Variants in ARHGAP18 observed in about 807,000 individuals in gnomAD.
The protein encoded by ARHGAP18 is Rho GTPase activating protein 18.
In ARHGAP18, 67 loss-of-function variants were observed where a neutral mutation model predicts 86.2. The observed-to-expected ratio is 0.78, with a 90% CI of 0.64 to 0.95. ARHGAP18 has a LOEUF of 0.95. Ranked by LOEUF, ARHGAP18 falls within the 40% of genes least tolerant of loss-of-function variation. ARHGAP18 has a pLI of 0.00. For missense variants in ARHGAP18, 691 were observed against 780.4 expected, an observed-to-expected ratio of 0.89 and a Z score of 1.37; for synonymous variants, 283 against 280.4, an observed-to-expected ratio of 1.01 and a Z score of -0.09.
At chr6:129,592,500 A>G (rs1020158905) in intron 12 of ARHGAP18, among the ~76,000 whole-genome samples, 1 of 152,212 alleles carries the variant, frequency 6.6e-6, no homozygotes, top group African/African-American at 2.4e-5. Flanking sequence ...TAAGCTCTCT[A>G]AAGCTTGAGT....
In ARHGAP18 at chr6:129,634,038, A is replaced by G; in HGVS notation, c.616+4T>C. On this transcript the variant is annotated splice_donor_region_variant and intron_variant, in intron 4 of 14. Coordinates refer to ENST00000368149, the MANE Select transcript of ARHGAP18 (RefSeq NM_033515.3). ...AAAAAAACAAGAGAACAGGTTCAACATACCATCTCTTCCTTGGTATTTGTT... is the reference window on the plus strand; with the variant it reads ...AAAAAAACAAGAGAACAGGTTCAACGTACCATCTCTTCCTTGGTATTTGTT... 1 of 1,609,912 alleles carries G rather than the reference A, an allele frequency of 6.2e-7. No individual in the cohort carries two copies.
chr6:129,687,735 C>T (rs75390180), intron 1 of ARHGAP18, among the ~76,000 whole-genome samples: 15,528 of 152,140 alleles, frequency 0.1, 829 homozygotes, highest in Admixed American at 0.14. Flanking sequence ...GTTCATGACA[C>T]GACAGAGGAG....
In ARHGAP18 at chr6:129,641,966, T is replaced by C; in HGVS notation, c.166A>G (p.Met56Val). Reference protein sequence around the residue: ...MNQESTTIKVMEKPPFDRSIS... With the variant: ...MNQESTTIKVVEKPPFDRSIS... ...GATCGATCAAATGGAGGCTTCTCCA[T>C]AACTTTGATGGTGGTGCTTTCCTGG... Residue 56 changes from methionine to valine, a missense_variant, in exon 2 of 15, where the codon ATG becomes GTG. Transcript: ENST00000368149. 1 of 1,614,008 alleles carries C rather than the reference T, an allele frequency of 6.2e-7. No homozygotes were observed. Among genetic ancestry groups the C allele is most frequent in the South Asian group, 1.1e-5 (1 of 91,082 alleles).
chr6:129,644,261 C>A (rs1282763193), intron 1 of ARHGAP18, among the ~76,000 whole-genome samples: 1 of 152,170 alleles, frequency 6.6e-6, no homozygotes, highest in Non-Finnish European at 1.5e-5. Flanking sequence ...CTCTGTATTC[C>A]ACCTGGGTCC....
At position 129,620,938 on chromosome 6, in the gene ARHGAP18, G is replaced by A. The variant is rs568471712; in HGVS notation, c.787-2086C>T. Reference sequence around the variant, plus strand: ...CTACTGCAACAGACTGAATGCAAACGTAAATATGATAATCCAGCTGACTTC... The same window carrying A: ...CTACTGCAACAGACTGAATGCAAACATAAATATGATAATCCAGCTGACTTC... On this transcript the variant is annotated intron_variant, in intron 5 of 14. Coordinates refer to ENST00000368149, the MANE Select transcript of ARHGAP18 (RefSeq NM_033515.3). 2.6e-5 allele frequency among the ~76,000 whole-genome samples: 4 copies of A among 152,232 alleles called. No individual in the cohort carries two copies. In the East Asian group the frequency reaches 5.8e-4, roughly 22 times the overall value.
chr6:129,625,186 T>G (rs192511102), intron 5 of ARHGAP18, among the ~76,000 whole-genome samples: 1,627 of 44,564 alleles, frequency 0.037, 367 homozygotes, highest in African/African-American at 0.16. Context: ...TATTATATAT[T>G]ATATATGATA....
At chr6:129,687,726 T>G (rs913369983) in intron 1 of ARHGAP18, among the ~76,000 whole-genome samples, 1 of 152,234 alleles carries the variant, frequency 6.6e-6, no homozygotes, top group Non-Finnish European at 1.5e-5. Flanking sequence ...GAAAACTATG[T>G]TCATGACACG....
At chr6:129,629,231 C>G in intron 5 of ARHGAP18, 122 bp downstream of exon 5, 5 of 845,082 alleles carry the variant, frequency 5.9e-6, no homozygotes, top group Non-Finnish European at 8.1e-6. Flanking sequence ...CTCTGTCTGT[C>G]TGTCTCTCTC....
chr6:129,635,697 A>G (rs1773317413), intron 3 of ARHGAP18, among the ~76,000 whole-genome samples: 1 of 152,254 alleles, frequency 6.6e-6, no homozygotes, highest in African/African-American at 2.4e-5. Flanking sequence ...CACTCACTCA[A>G]AAGTAGAAGA....
intron 1 of ARHGAP18, 72 bp from the exon 2 acceptor site, chr6:129,642,090 CAACAAGCTGGAGAA>C: frequency 2.2e-6 from 3 of 1,368,718 alleles, no homozygotes; most frequent in Non-Finnish European, 3.1e-6. Context: ...GACATCACAG[CAACAAGCTGGAGAA>C]TTTATTAACT....
At chr6:129,626,061 CATAT>C (rs1251179577) in intron 5 of ARHGAP18, among the ~76,000 whole-genome samples, 1 of 67,632 alleles carries the variant, frequency 1.5e-5, no homozygotes, top group African/African-American at 6.2e-5. Flanking sequence ...TATATATACA[CATAT>C]ACACACACAC....
intron 1 of ARHGAP18, among the ~76,000 whole-genome samples, chr6:129,671,640 G>C (rs1042045977): frequency 2.0e-5 from 3 of 152,158 alleles, no homozygotes; most frequent in Non-Finnish European, 4.4e-5. Context: ...CCAGGAGCTA[G>C]AGGCTACAGT....
intron 1 of ARHGAP18, among the ~76,000 whole-genome samples, chr6:129,645,483 GT>G (rs1773559642): frequency 6.6e-6 from 1 of 152,152 alleles, no homozygotes; most frequent in Admixed American, 6.5e-5. Context: ...GAAACACACA[GT>G]TTATACCACA....
intron 8 of ARHGAP18, among the ~76,000 whole-genome samples, chr6:129,609,415 A>G (rs1021796616): frequency 1.3e-5 from 2 of 152,188 alleles, no homozygotes; most frequent in Admixed American, 1.3e-4. Context: ...TTCTCGTTGC[A>G]AAGTAAAATC....
At chr6:129,688,672 A>G (rs768091151) in intron 1 of ARHGAP18, among the ~76,000 whole-genome samples, 18 of 152,168 alleles carry the variant, frequency 1.2e-4, no homozygotes, top group South Asian at 6.2e-4. Flanking sequence ...CATGCCTGTA[A>G]TCCCAGCTAC....
chr6:129,639,949 G>A (rs1773412819), intron 2 of ARHGAP18, among the ~76,000 whole-genome samples: 1 of 148,510 alleles, frequency 6.7e-6, no homozygotes, highest in African/African-American at 2.5e-5. Context: ...GGAGGCTGAG[G>A]CAAGAGAATC....
intron 1 of ARHGAP18, among the ~76,000 whole-genome samples, chr6:129,691,450 T>C (rs1391301171): frequency 2.0e-5 from 3 of 152,226 alleles, no homozygotes; most frequent in Non-Finnish European, 4.4e-5. Context: ...AGCAGTTTTT[T>C]CCTAATAAAA....
At chr6:129,598,474 T>C (rs1196016155) in intron 12 of ARHGAP18, among the ~76,000 whole-genome samples, 1 of 152,172 alleles carries the variant, frequency 6.6e-6, no homozygotes, top group Non-Finnish European at 1.5e-5. Context: ...GTGGTGGTAG[T>C]AGGGAGGAGG....
chr6:129,644,606 C>G (rs1409646137), intron 1 of ARHGAP18, among the ~76,000 whole-genome samples: 1 of 152,196 alleles, frequency 6.6e-6, no homozygotes, highest in Non-Finnish European at 1.5e-5. Context: ...TCTTACCCCC[C>G]TGTGAGACCA....
Sources: gnomAD v4.1 joint callset for allele counts (sites outside exome capture counted in the v4.1 genomes callset) on GRCh38, gnomAD v4.1.1 for gene constraint, MANE v1.5 for transcripts, NCBI Gene and HGNC (gene_info 2026-07-23, HGNC 2026-07-21) for gene names.